The following SMC6 variants were observed in gnomAD, a reference collection of about 807,000 sequenced individuals.
SMC6 encodes the protein structural maintenance of chromosomes protein 6.
A neutral mutation model predicts 142.2 loss-of-function variants in SMC6; 79 were observed. That is an observed-to-expected ratio of 0.56 (90% CI 0.46 to 0.67). SMC6 has a LOEUF of 0.67. SMC6 is among the 30% of genes least tolerant of loss of function. SMC6 has a pLI of 0.00. For synonymous variants in SMC6, 411 were observed against 412.4 expected (o/e 1.00, Z 0.04); for missense variants, 1,072 against 1,284.0 (o/e 0.83, Z 2.52).
At position 17,741,627 on chromosome 2, in the gene SMC6, C is replaced by T; in HGVS notation, c.223G>A (p.Val75Ile). The T allele has an allele frequency of 3.1e-6, 5 of 1,606,800 alleles. No individual in the cohort carries two copies. The highest frequency in any genetic ancestry group is 4.2e-6 in the Non-Finnish European group (5 of 1,176,554). Residue 75 changes from valine to isoleucine, a missense_variant, in exon 4 of 28, where the codon GTT becomes ATT. Coordinates refer to ENST00000448223, the MANE Select transcript of SMC6 (RefSeq NM_001142286.2). ...AAACACTTACTTCCATTGTTGCCAA[C>T]AACAAAGTTGACATTAGAACCAAAC... ...FKFGSNVNFV[V>I]GNNGSGKSAV...
intron 11 of SMC6, among the ~76,000 whole-genome samples, chr2:17,720,094 C>T (rs75374481): frequency 0.051 from 7,793 of 152,224 alleles, 229 homozygotes; most frequent in Middle Eastern, 0.11. Flanking sequence ...GCATGAGGAG[C>T]CCCACAGTTC....
chr2:17,701,243 T>C (rs1307156403), intron 20 of SMC6, among the ~76,000 whole-genome samples: 2 of 152,066 alleles, frequency 1.3e-5, no homozygotes, highest in African/African-American at 4.8e-5. Context: ...ATATGCTTCC[T>C]GATACAGAGC....
chr2:17,691,839 T>C (rs571497929), intron 23 of SMC6, among the ~76,000 whole-genome samples: 1 of 152,182 alleles, frequency 6.6e-6, no homozygotes, highest in African/African-American at 2.4e-5. Context: ...AAAATCTCCT[T>C]AAGCTGATAG....
chr2:17,723,440 T>G (rs1263635180), intron 9 of SMC6, among the ~76,000 whole-genome samples: 1 of 152,224 alleles, frequency 6.6e-6, no homozygotes, highest in Admixed American at 6.5e-5. Context: ...TGTTTTACAC[T>G]CTAGCCAATC....
At chr2:17,691,242 AC>A (rs1425059020) in intron 23 of SMC6, among the ~76,000 whole-genome samples, 3 of 138,926 alleles carry the variant, frequency 2.2e-5, no homozygotes, top group Non-Finnish European at 4.8e-5. Context: ...ATACACACAC[AC>A]ACACACACAC....
intron 27 of SMC6, 101 bp downstream of exon 27, chr2:17,666,319 T>G: frequency 2.6e-6 from 2 of 781,622 alleles, no homozygotes; most frequent in Non-Finnish European, 2.0e-6. Context: ...TTTATTTTCA[T>G]TGGTCTTGTA....
chr2:17,738,788 G>A (rs1380412303), intron 4 of SMC6, among the ~76,000 whole-genome samples: 2 of 152,152 alleles, frequency 1.3e-5, no homozygotes, highest in Non-Finnish European at 2.9e-5. Flanking sequence ...CAGTAGCCGG[G>A]ATTACAGGCA....
Position 17,738,330 on chromosome 2 carries a change from A to T in SMC6, c.239-4T>A. ...GTGAGTACTGCACTCTTCCCACCTA[A>T]AGAAACAGATGTTGAAGAAATCACA... On this transcript the variant is annotated splice_region_variant and splice_polypyrimidine_tract_variant and intron_variant, in intron 4 of 27. Coordinates refer to ENST00000448223, the MANE Select transcript of SMC6 (RefSeq NM_001142286.2). 6.3e-7 allele frequency: 1 copy of T among 1,597,694 alleles called. No individual in the cohort carries two copies. Among genetic ancestry groups the T allele is most frequent in the Non-Finnish European group, 8.5e-7 (1 of 1,172,054 alleles).
intron 11 of SMC6, among the ~76,000 whole-genome samples, chr2:17,718,533 A>C (rs888028989): frequency 1.3e-5 from 2 of 152,206 alleles, no homozygotes; most frequent in Non-Finnish European, 2.9e-5. Flanking sequence ...TTCTGTATAC[A>C]ATAATACTAA....
At chr2:17,677,932 T>C (rs556439100) in intron 25 of SMC6, among the ~76,000 whole-genome samples, 1 of 152,328 alleles carries the variant, frequency 6.6e-6, no homozygotes, top group African/African-American at 2.4e-5. Context: ...TTATGGTAAC[T>C]AAGAGTAGTA....
Position 17,670,680 on chromosome 2 carries a change from T to A in SMC6, c.2911-105A>T, listed in dbSNP as rs546041198. 3 of 1,165,776 alleles carry A rather than the reference T, an allele frequency of 2.6e-6. No homozygotes were observed. The African/African-American group carries it at 4.9e-5, about 19-fold the overall frequency. The allele number at this position is 1,165,776 out of a possible 1,614,324, so 72.2% of individuals were successfully genotyped here. A position where few individuals can be genotyped will look rare whatever the true frequency, so the allele number is the denominator to read the frequency against. On this transcript the variant is annotated intron_variant, in intron 25 of 27. Transcript: ENST00000448223. Reference sequence around the variant, plus strand: ...TAATAGATTTACAGTAAAAAGGAGATGGGAATAAAATGACTTAGTGATTTG... The same window carrying A: ...TAATAGATTTACAGTAAAAAGGAGAAGGGAATAAAATGACTTAGTGATTTG...
At chr2:17,731,274 C>T in intron 6 of SMC6, 135 bp from the exon 7 acceptor site, 5 of 625,624 alleles carry the variant, frequency 8.0e-6, no homozygotes, top group Non-Finnish European at 1.4e-5. Flanking sequence ...TGAATACGTA[C>T]AAATATGAAT....
At chr2:17,715,595 AC>A (rs954769547) in intron 15 of SMC6, among the ~76,000 whole-genome samples, 36 of 152,196 alleles carry the variant, frequency 2.4e-4, no homozygotes, top group African/African-American at 8.2e-4. Flanking sequence ...ATTAAAGATA[AC>A]CCCCCAAGAA....
chr2:17,728,981 C>T (rs1328231904), intron 7 of SMC6, among the ~76,000 whole-genome samples: 1 of 152,064 alleles, frequency 6.6e-6, no homozygotes, highest in Non-Finnish European at 1.5e-5. Flanking sequence ...AACTCCTGAC[C>T]TCATGTGATC....
chr2:17,739,843 C>G (rs1048577104), intron 4 of SMC6, among the ~76,000 whole-genome samples: 6 of 123,264 alleles, frequency 4.9e-5, no homozygotes, highest in African/African-American at 7.0e-5. Context: ...CACACACACA[C>G]AGACACACAC....
chr2:17,670,688 AAATGACT>A (rs1666713608), intron 25 of SMC6, 113 bp from the exon 26 acceptor site: 1 of 1,090,024 alleles, frequency 9.2e-7, no homozygotes, highest in Non-Finnish European at 1.3e-6. Flanking sequence ...GATGGGAATA[AAATGACT>A]TAGTGATTTG....
chr2:17,696,478 AG>A (rs1558341755), intron 21 of SMC6, 52 bp from the exon 22 acceptor site: 9 of 1,568,952 alleles, frequency 5.7e-6, no homozygotes, highest in Non-Finnish European at 7.8e-6. Context: ...TTTCCAGCAT[AG>A]GTATAAAGAT....
intron 23 of SMC6, among the ~76,000 whole-genome samples, chr2:17,690,051 A>G (rs1310217556): frequency 6.6e-6 from 1 of 152,224 alleles, no homozygotes; most frequent in Admixed American, 6.5e-5. Flanking sequence ...TCCAAATGGG[A>G]AAATCCACTA....
chr2:17,730,769 A>ATTT (rs753341570), intron 7 of SMC6, among the ~76,000 whole-genome samples: 13 of 139,192 alleles, frequency 9.3e-5, no homozygotes, highest in Admixed American at 5.0e-4. Context: ...CACCCAGCTA[A>ATTT]TTTTTTTTTT....
Sources: gnomAD v4.1 joint callset for allele counts (sites outside exome capture counted in the v4.1 genomes callset) on GRCh38, gnomAD v4.1.1 for gene constraint, MANE v1.5 for transcripts, NCBI Gene and HGNC (gene_info 2026-07-23, HGNC 2026-07-21) for gene names.